Variants in PLCZ1 observed in about 807,000 individuals in gnomAD.
The protein encoded by PLCZ1 is phospholipase C zeta 1, also known as 1-phosphatidylinositol 4,5-bisphosphate phosphodiesterase zeta-1.
Under a neutral mutation model 76.8 loss-of-function variants are expected in PLCZ1, and 64 were observed. That is an observed-to-expected ratio of 0.83 (90% CI 0.68 to 1.03). PLCZ1 has a LOEUF of 1.03. Ranked by LOEUF, PLCZ1 falls within the 50% of genes least tolerant of loss-of-function variation. The probability of loss-of-function intolerance (pLI) is 0.00; values close to 1 mark genes in which losing one functional copy is unlikely to be tolerated. For missense variants in PLCZ1, 751 were observed against 713.7 expected (o/e 1.05, Z -0.60); for synonymous variants, 248 against 230.8 (o/e 1.07, Z -0.68).
the PLCZ1 span, among the ~76,000 whole-genome samples, chr12:18,650,722 A>ATATC: frequency 0.019 from 312 of 16,556 alleles, no homozygotes; most frequent in Non-Finnish European, 0.025. Flanking sequence ...CTATATATAT[A>ATATC]TATATATATA....
intron 11 of PLCZ1, among the ~76,000 whole-genome samples, chr12:18,695,744 T>C (rs986539560): frequency 6.6e-6 from 1 of 152,104 alleles, no homozygotes; most frequent in Non-Finnish European, 1.5e-5. Flanking sequence ...AGTTAGGCAA[T>C]CTTATTCACT....
chr12:18,723,482 T>C lies in PLCZ1; in HGVS notation c.196A>G (p.Ile66Val), dbSNP rs755411887. ...TIEEFRAIYR[I>V]ITHREEIIEI... The stretch of plus-strand genomic sequence containing the variant: ...ATAATTTCTTCTCTGTGCGTGATAA[T>C]TCGATAAATTGCTCTAAATTCTTCT... Residue 66 changes from isoleucine to valine, a missense_variant, in exon 4 of 15, where the codon ATT becomes GTT. By Grantham distance (29) the Ile-to-Val change is conservative. Transcript: ENST00000266505. 1.9e-6 allele frequency: 3 copies of C among 1,612,926 alleles called. No homozygotes were observed. In the South Asian group the frequency reaches 3.3e-5, roughly 18 times the overall value.
At chr12:18,727,800 A>C (rs1215859960) in intron 3 of PLCZ1, among the ~76,000 whole-genome samples, 1 of 152,202 alleles carries the variant, frequency 6.6e-6, no homozygotes. Flanking sequence ...TTTAAAACAA[A>C]CCAATCTGTA....
chr12:18,732,015 G>T (rs2150757143), intron 3 of PLCZ1, among the ~76,000 whole-genome samples: 1 of 152,078 alleles, frequency 6.6e-6, no homozygotes, highest in South Asian at 2.1e-4. Flanking sequence ...ATTTATTGAG[G>T]TATAATTGAC....
rs546359112 is a variant in PLCZ1 at position 18,686,725 on chromosome 12, A to G, written c.1591+1364T>C. On this transcript the variant is annotated intron_variant, in intron 13 of 14. Coordinates refer to ENST00000266505, the MANE Select transcript of PLCZ1 (RefSeq NM_033123.4). ...TCATAATTATTTTACTTATAGCATC[A>G]TCTTTCACACTGAACTATAAACTAT... 5.3e-5 allele frequency among the ~76,000 whole-genome samples: 8 copies of G among 152,186 alleles called. No individual in the cohort carries two copies. The South Asian group carries it at 1.7e-3, about 32-fold the overall frequency.
intron 3 of PLCZ1, among the ~76,000 whole-genome samples, chr12:18,735,504 C>T (rs765834809): frequency 3.3e-5 from 5 of 152,128 alleles, no homozygotes; most frequent in African/African-American, 4.8e-5. Context: ...CCTCTCAAAG[C>T]ATTGGGATTA....
downstream of PLCZ1, among the ~76,000 whole-genome samples, chr12:18,679,578 T>C (rs1014452984): frequency 2.6e-5 from 4 of 152,022 alleles, no homozygotes; most frequent in Non-Finnish European, 2.9e-5. Context: ...CCTGTAAACA[T>C]TGCCTCAATG....
At chr12:18,724,116 T>C (rs1009401196) in intron 3 of PLCZ1, among the ~76,000 whole-genome samples, 1 of 152,048 alleles carries the variant, frequency 6.6e-6, no homozygotes, top group Non-Finnish European at 1.5e-5. Flanking sequence ...ACCAGGATGA[T>C]TGGGAGTTTC....
At chr12:18,719,704 C>A in intron 4 of PLCZ1, 72 bp from the exon 5 acceptor site, 1 of 1,021,760 alleles carries the variant, frequency 9.8e-7, no homozygotes, top group Non-Finnish European at 1.4e-6. Context: ...CTACATCTCA[C>A]TTGTAAACTT....
the PLCZ1 span, among the ~76,000 whole-genome samples, chr12:18,654,238 A>G: frequency 6.6e-6 from 1 of 151,952 alleles, no homozygotes; most frequent in Non-Finnish European, 1.5e-5. Context: ...GAAGAAGGTA[A>G]TAGAAAAGAG....
At chr12:18,691,705 A>T (rs1480002434) in intron 12 of PLCZ1, among the ~76,000 whole-genome samples, 1 of 152,164 alleles carries the variant, frequency 6.6e-6, no homozygotes, top group African/African-American at 2.4e-5. Flanking sequence ...TTATAATAGC[A>T]TTGTAAAGTG....
chr12:18,677,528 G>A, the PLCZ1 span, among the ~76,000 whole-genome samples: 18 of 152,132 alleles, frequency 1.2e-4, no homozygotes, highest in South Asian at 8.3e-4. Flanking sequence ...GTGAATTTTC[G>A]TCTCTTAAAA....
intron 4 of PLCZ1, among the ~76,000 whole-genome samples, chr12:18,721,452 A>G (rs1958428920): frequency 1.3e-5 from 2 of 152,196 alleles, no homozygotes; most frequent in South Asian, 4.1e-4. Flanking sequence ...CAAAAGAGGA[A>G]ATGGATGAAC....
intron 3 of PLCZ1, among the ~76,000 whole-genome samples, chr12:18,724,747 T>C (rs1423209722): frequency 6.6e-6 from 1 of 152,164 alleles, no homozygotes; most frequent in African/African-American, 2.4e-5. Flanking sequence ...AATTTCATTT[T>C]AGCCTTATCT....
chr12:18,646,406 G>A, the PLCZ1 span, among the ~76,000 whole-genome samples: 5 of 152,108 alleles, frequency 3.3e-5, no homozygotes, highest in African/African-American at 9.7e-5. Flanking sequence ...AGGGTAGACC[G>A]CATTCGCATA....
intron 4 of PLCZ1, among the ~76,000 whole-genome samples, chr12:18,722,150 T>A (rs1268634836): frequency 6.6e-6 from 1 of 152,050 alleles, no homozygotes; most frequent in African/African-American, 2.4e-5. Flanking sequence ...TCTCACACTC[T>A]CAGAGAGGGT....
chr12:18,693,773 CA>C (rs1592048960), intron 12 of PLCZ1: 6 of 1,514,636 alleles, frequency 4.0e-6, no homozygotes, highest in African/African-American at 1.4e-5. Context: ...GGCCACAAAC[CA>C]AATAGAAACT....
chr12:18,684,158 A>G lies in PLCZ1; in HGVS notation c.1713T>C (p.Tyr571=), dbSNP rs1236333164. The G allele has an allele frequency of 6.2e-7, 1 of 1,612,050 alleles. No homozygotes were observed. ...TGTTCATGCATAGAAGTGGCAAAGT[A>G]TATTGCCCAAGAAATTCATTTCCTG... is the stretch of plus-strand genomic sequence containing the variant. The part of the protein sequence containing the change: ...LIAGNEFLGQ[Y]TLPLLCMNKG... Residue 571 remains tyrosine, a synonymous_variant, in exon 14 of 15, where the codon TAT becomes TAC. Transcript: ENST00000266505.
intron 7 of PLCZ1, among the ~76,000 whole-genome samples, chr12:18,703,354 A>C (rs1188045796): frequency 6.6e-6 from 1 of 152,128 alleles, no homozygotes; most frequent in Non-Finnish European, 1.5e-5. Context: ...TTTTTCACTG[A>C]TTTAAATAAA....
Sources: gnomAD v4.1 joint callset for allele counts (sites outside exome capture counted in the v4.1 genomes callset) on GRCh38, gnomAD v4.1.1 for gene constraint, MANE v1.5 for transcripts, NCBI Gene and HGNC (gene_info 2026-07-23, HGNC 2026-07-21) for gene names.